The following MIPEP variants were observed in gnomAD, a reference collection of about 807,000 sequenced individuals.
The protein encoded by MIPEP is mitochondrial intermediate peptidase.
MIPEP carries 79 observed loss-of-function variants against 90.3 expected under a neutral mutation model. The observed-to-expected ratio is 0.87, with a 90% CI of 0.73 to 1.05. The LOEUF is 1.05. Among genes scored for constraint, MIPEP ranks in the 50% least tolerant of loss-of-function variants. MIPEP has a pLI of 0.00. For missense variants in MIPEP, 940 were observed against 905.6 expected (o/e 1.04, Z -0.49); for synonymous variants, 334 against 315.8 (o/e 1.06, Z -0.61).
At chr13:23,790,535 C>G in intron 16 of MIPEP, among the ~76,000 whole-genome samples, 1 of 152,112 alleles carries the variant, frequency 6.6e-6, no homozygotes, top group Middle Eastern at 3.4e-3. Flanking sequence ...TATCTGAGTA[C>G]GCCCTAGTCA....
At chr13:23,743,009 T>C (rs1593127505) in intron 18 of MIPEP, among the ~76,000 whole-genome samples, 4 of 152,218 alleles carry the variant, frequency 2.6e-5, no homozygotes, top group Non-Finnish European at 5.9e-5. Flanking sequence ...AATCTCTTTT[T>C]AGAACCTGCG....
At chr13:23,867,394 C>G (rs78363766) in intron 7 of MIPEP, among the ~76,000 whole-genome samples, 1 of 152,162 alleles carries the variant, frequency 6.6e-6, no homozygotes, top group Non-Finnish European at 1.5e-5. Context: ...GTCAAGAGCA[C>G]GCTCACATTC....
intron 10 of MIPEP, among the ~76,000 whole-genome samples, chr13:23,843,352 G>A (rs1869390776): frequency 6.6e-6 from 1 of 152,136 alleles, no homozygotes; most frequent in African/African-American, 2.4e-5. Flanking sequence ...AGAGGGCCTG[G>A]TCCACTAAGC....
chr13:23,865,696 G>A (rs1316879785), intron 7 of MIPEP, among the ~76,000 whole-genome samples: 1 of 147,100 alleles, frequency 6.8e-6, no homozygotes, highest in Non-Finnish European at 1.5e-5. Flanking sequence ...TTGAGATGGA[G>A]TCTTGCTCTG....
At chr13:23,761,252 T>G (rs1256388551) in intron 16 of MIPEP, among the ~76,000 whole-genome samples, 1 of 152,168 alleles carries the variant, frequency 6.6e-6, no homozygotes, top group African/African-American at 2.4e-5. Flanking sequence ...TTCCACTTAT[T>G]TTCTAATCAT....
At chr13:23,843,034 T>C (rs1050396076) in intron 10 of MIPEP, among the ~76,000 whole-genome samples, 1 of 145,502 alleles carries the variant, frequency 6.9e-6, no homozygotes, top group Non-Finnish European at 1.5e-5. Flanking sequence ...GAGGCGGAGG[T>C]TGAGTGAGCC....
intron 10 of MIPEP, 64 bp downstream of exon 10, chr13:23,858,796 G>A (rs1033439159): frequency 7.0e-7 from 1 of 1,418,808 alleles, no homozygotes; most frequent in East Asian, 2.3e-5. Flanking sequence ...GATGACAGTA[G>A]CTGCTGAATA....
At chr13:23,796,411 C>T (rs530961207) in intron 16 of MIPEP, among the ~76,000 whole-genome samples, 41 of 151,226 alleles carry the variant, frequency 2.7e-4, no homozygotes, top group African/African-American at 9.2e-4. Flanking sequence ...AGCGAGACTC[C>T]ATCTCAAAAA....
At chr13:23,861,762 GC>G (rs1485608042) in intron 9 of MIPEP, among the ~76,000 whole-genome samples, 8 of 152,182 alleles carry the variant, frequency 5.3e-5, no homozygotes, top group Non-Finnish European at 1.2e-4. Context: ...CACCTGGGCA[GC>G]ATTCTGGCCA....
At chr13:23,866,421 G>A (rs1870537159) in intron 7 of MIPEP, among the ~76,000 whole-genome samples, 1 of 152,124 alleles carries the variant, frequency 6.6e-6, no homozygotes, top group Non-Finnish European at 1.5e-5. Context: ...GTGCACAAGG[G>A]TGACCTGCCA....
intron 16 of MIPEP, among the ~76,000 whole-genome samples, chr13:23,795,912 G>C (rs1020615173): frequency 1.3e-5 from 2 of 151,528 alleles, no homozygotes; most frequent in African/African-American, 4.8e-5. Flanking sequence ...AGGAGGGTCA[G>C]TTGAGCCTTG....
At chr13:23,858,624 A>C (rs1343758290) in intron 10 of MIPEP, among the ~76,000 whole-genome samples, 1 of 152,134 alleles carries the variant, frequency 6.6e-6, no homozygotes, top group Non-Finnish European at 1.5e-5. Flanking sequence ...GCCTAGGAAG[A>C]GAACCAGAAA....
rs748535077 is a variant in MIPEP at position 23,837,575 on chromosome 13, C to T, written c.1520G>A (p.Arg507His). The T allele has an allele frequency of 2.5e-6, 4 of 1,612,730 alleles. No individual in the cohort carries two copies. Among genetic ancestry groups the T allele is most frequent in the South Asian group, 1.1e-5 (1 of 91,038 alleles). The change falls in exon 13 of 19, where the codon CGT becomes CAT. Residue 507 changes from arginine to histidine, a missense_variant. Physicochemically the swap from Arg to His is conservative, Grantham distance 29. Transcript: ENST00000382172. ...MGHAMHSMLGRTRYQHVTGTR... is the reference protein window; with the variant it reads ...MGHAMHSMLGHTRYQHVTGTR... The stretch of plus-strand genomic sequence containing the variant: ...ACCAGTGACGTGTTGGTAACGAGTA[C>T]GTCCTAGCATTGAATGCATGGCATG...
chr13:23,828,496 A>G (rs1169043479), intron 14 of MIPEP, among the ~76,000 whole-genome samples: 1 of 152,260 alleles, frequency 6.6e-6, no homozygotes, highest in East Asian at 1.9e-4. Context: ...AAACAAGAGC[A>G]CTATACAAAA....
At chr13:23,753,957 T>C (rs1387710557) in intron 18 of MIPEP, among the ~76,000 whole-genome samples, 2 of 152,112 alleles carry the variant, frequency 1.3e-5, no homozygotes, top group Non-Finnish European at 2.9e-5. Flanking sequence ...TAAAAAAAAG[T>C]TGTGATTTGG....
chr13:23,885,072 T>C (rs983384408), intron 2 of MIPEP, among the ~76,000 whole-genome samples: 4 of 152,156 alleles, frequency 2.6e-5, no homozygotes, highest in African/African-American at 9.7e-5. Flanking sequence ...AACAGATGAA[T>C]GGATAAAGAA....
At chr13:23,767,704 G>A (rs9510851) in intron 16 of MIPEP, among the ~76,000 whole-genome samples, 23,770 of 151,996 alleles carry the variant, frequency 0.16, 1,997 homozygotes, top group South Asian at 0.23. Context: ...TACCTGCCTC[G>A]GCTTCCCAAA....
intron 3 of MIPEP, 31 bp from the exon 4 acceptor site, chr13:23,879,385 T>A (rs1288142090): frequency 1.7e-6 from 2 of 1,164,626 alleles, no homozygotes; most frequent in Non-Finnish European, 2.6e-6. Flanking sequence ...AAAAATTAGA[T>A]GATTTTCTAA....
intron 10 of MIPEP, among the ~76,000 whole-genome samples, chr13:23,847,018 C>T (rs1869576878): frequency 6.6e-6 from 1 of 152,016 alleles, no homozygotes; most frequent in Admixed American, 6.5e-5. Context: ...GCTACGACAA[C>T]AACTAAGTAG....
Sources: gnomAD v4.1 joint callset for allele counts (sites outside exome capture counted in the v4.1 genomes callset) on GRCh38, gnomAD v4.1.1 for gene constraint, MANE v1.5 for transcripts, NCBI Gene and HGNC (gene_info 2026-07-23, HGNC 2026-07-21) for gene names.